The following IGF1R variants were observed in gnomAD, a reference collection of about 807,000 sequenced individuals.
IGF1R encodes the protein insulin-like growth factor 1 receptor.
Under a neutral mutation model 144.6 loss-of-function variants are expected in IGF1R, and 44 were observed. That is an observed-to-expected ratio of 0.30 (90% confidence interval 0.24 to 0.39). The LOEUF is 0.39. Ranked by LOEUF, IGF1R falls within the 10% of genes least tolerant of loss-of-function variation. The pLI, the probability that IGF1R is intolerant of heterozygous loss-of-function variation, is 1.00. For synonymous variants in IGF1R, 795 were observed against 722.8 expected (o/e 1.10, Z -1.60); for missense variants, 1,355 against 1,833.7 (o/e 0.74, Z 4.77).
intron 2 of IGF1R, among the ~76,000 whole-genome samples, chr15:98,804,452 C>CTTTTGT (rs113749018): frequency 0.018 from 2,808 of 151,974 alleles, 89 homozygotes; most frequent in African/African-American, 0.063. Flanking sequence ...AAACACATGA[C>CTTTTGT]TTTTGTTTTT....
At chr15:98,899,300 C>G (rs536737354) in intron 4 of IGF1R, among the ~76,000 whole-genome samples, 177 bp from the exon 5 acceptor site, 2 of 152,192 alleles carry the variant, frequency 1.3e-5, no homozygotes, top group Non-Finnish European at 2.9e-5. Context: ...TTCCAGGAGT[C>G]GTTGTTGAGA....
At chr15:98,789,076 T>G (rs1043962359) in intron 2 of IGF1R, among the ~76,000 whole-genome samples, 4 of 152,250 alleles carry the variant, frequency 2.6e-5, no homozygotes, top group African/African-American at 4.8e-5. Context: ...CTCAGTTTAC[T>G]TGTTCCAGCT....
At chr15:98,884,319 C>T (rs772530375) in intron 2 of IGF1R, among the ~76,000 whole-genome samples, 2 of 152,174 alleles carry the variant, frequency 1.3e-5, no homozygotes, top group East Asian at 1.9e-4. Flanking sequence ...ACAAACTGCA[C>T]GCCAGGCATT....
chr15:98,694,136 AT>A lies in IGF1R; in HGVS notation c.95-13416del, dbSNP rs111851854. ...AATTGGCATACTTTTATTCCTCTGG[AT>A]TTTTTTTTTAAAGCATAATTGTTCG... On this transcript the variant is annotated intron_variant, in intron 1 of 20. Coordinates refer to ENST00000650285, the MANE Select transcript of IGF1R (RefSeq NM_000875.5). Among the ~76,000 whole-genome samples the A allele has an allele frequency of 3.6e-3, 541 of 150,562 alleles. 3 individuals are homozygous for A. The highest frequency in any genetic ancestry group is 0.012 in the African/African-American group (508 of 41,056).
intron 20 of IGF1R, among the ~76,000 whole-genome samples, chr15:98,949,749 C>G (rs1230249176): frequency 6.6e-6 from 1 of 152,210 alleles, no homozygotes; most frequent in African/African-American, 2.4e-5. Context: ...TTTGTGATGC[C>G]TCACAGTGTT....
At chr15:98,753,222 C>T (rs560042713) in intron 2 of IGF1R, among the ~76,000 whole-genome samples, 153 of 137,200 alleles carry the variant, frequency 1.1e-3, no homozygotes, top group African/African-American at 3.5e-3. Flanking sequence ...TGAGCCATTA[C>T]GTCCAGCCTT....
At chr15:98,675,829 T>TCTTTC (rs200344532) in intron 1 of IGF1R, among the ~76,000 whole-genome samples, 3 of 139,302 alleles carry the variant, frequency 2.2e-5, no homozygotes, top group African/African-American at 8.3e-5. Context: ...TTTCTTTCTT[T>TCTTTC]TTTTTTTTTT....
intron 2 of IGF1R, among the ~76,000 whole-genome samples, chr15:98,723,865 A>C (rs569937924): frequency 4.6e-5 from 7 of 152,254 alleles, no homozygotes; most frequent in African/African-American, 1.7e-4. Context: ...TTTGTTTATT[A>C]AGTGGGGCAG....
chr15:98,725,094 G>A (rs1245378015), intron 2 of IGF1R, among the ~76,000 whole-genome samples: 3 of 152,206 alleles, frequency 2.0e-5, no homozygotes, highest in Non-Finnish European at 4.4e-5. Context: ...ACTGTCTCCT[G>A]TTCCCTGGCC....
At chr15:98,828,153 A>G (rs1198871165) in intron 2 of IGF1R, among the ~76,000 whole-genome samples, 1 of 152,192 alleles carries the variant, frequency 6.6e-6, no homozygotes, top group Non-Finnish European at 1.5e-5. Flanking sequence ...CATGAACAAG[A>G]CTGCCCAGTT....
At position 98,962,935 on chromosome 15, in the gene IGF1R, G is replaced by A. The variant is rs190727148; in HGVS notation, c.*5493G>A. 24 of 233,652 alleles carry A rather than the reference G, an allele frequency of 1.0e-4. No homozygotes were observed. The highest frequency in any genetic ancestry group is 4.0e-4 in the African/African-American group (18 of 45,426). 14.5% of individuals were successfully genotyped at this position (233,652 alleles called of 1,614,324 possible). A position where few individuals can be genotyped will look rare whatever the true frequency, so the allele number is the denominator to read the frequency against. On this transcript the variant is annotated 3_prime_UTR_variant, in exon 21 of 21. Transcript: ENST00000650285. ...CGTTTTGTTTCTGCGAGAACATAACGATCACTCATTTTTATGTCCCACGTG... is the reference window on the plus strand; with the variant it reads ...CGTTTTGTTTCTGCGAGAACATAACAATCACTCATTTTTATGTCCCACGTG...
Position 98,909,021 on chromosome 15 carries a change from A to G in IGF1R, c.1462+122A>G, listed in dbSNP as rs547028185. On this transcript the variant is annotated intron_variant, in intron 6 of 20. Transcript: ENST00000650285. The stretch of plus-strand genomic sequence containing the variant: ...CTGGTTTCACATGGGGGACCACTAG[A>G]CCATCTTAACTAGCACTTTGCTCCT... The G allele has an allele frequency of 5.0e-5, 41 of 815,320 alleles. No homozygotes were observed. The African/African-American group carries it at 5.9e-4, about 12-fold the overall frequency. 50.5% of individuals were successfully genotyped at this position (815,320 alleles called of 1,614,324 possible).
At position 98,707,321 on chromosome 15, in the gene IGF1R, C is replaced by T. The variant is rs1373924917; in HGVS notation, c.95-241C>T. Among the ~76,000 whole-genome samples the T allele has an allele frequency of 6.6e-6, 1 of 152,148 alleles. No individual in the cohort carries two copies. Among genetic ancestry groups the T allele is most frequent in the African/African-American group, 2.4e-5 (1 of 41,430 alleles). ...CACGGTTAACGGGGATGGCCTCTCCCATGGTCGGTTGGAGTGTGTTGCACA... is the reference window on the plus strand; with the variant it reads ...CACGGTTAACGGGGATGGCCTCTCCTATGGTCGGTTGGAGTGTGTTGCACA... On this transcript the variant is annotated intron_variant, in intron 1 of 20. Coordinates refer to ENST00000650285, the MANE Select transcript of IGF1R (RefSeq NM_000875.5). This position sits in a 1 kb window ranked among gnomAD's most constrained non-coding sequence, Gnocchi z 6.7.
chr15:98,788,054 C>CTGTGTGTGTGTGTGTG (rs771505030), intron 2 of IGF1R, among the ~76,000 whole-genome samples: 6 of 142,286 alleles, frequency 4.2e-5, no homozygotes, highest in African/African-American at 1.7e-4. Context: ...CTCTCTCTCT[C>CTGTGTGTGTGTGTGTG]TCTCTCTCTG....
At chr15:98,906,536 C>T (rs1467954530) in intron 5 of IGF1R, among the ~76,000 whole-genome samples, 1 of 152,234 alleles carries the variant, frequency 6.6e-6, no homozygotes, top group African/African-American at 2.4e-5. Context: ...CCCCTCTGAC[C>T]TCCAGCAGTG....
chr15:98,916,214 G>GT, intron 9 of IGF1R, 83 bp downstream of exon 9: 2 of 1,271,472 alleles, frequency 1.6e-6, no homozygotes, highest in Non-Finnish European at 2.3e-6. Flanking sequence ...AATATTACAC[G>GT]TATCAGACAA....
chr15:98,876,188 C>T (rs2141617406), intron 2 of IGF1R, among the ~76,000 whole-genome samples: 1 of 152,174 alleles, frequency 6.6e-6, no homozygotes. Context: ...GCTGGAAGGC[C>T]ATCTCCATTG....
At chr15:98,779,209 G>C (rs1367681493) in intron 2 of IGF1R, among the ~76,000 whole-genome samples, 1 of 152,204 alleles carries the variant, frequency 6.6e-6, no homozygotes, top group African/African-American at 2.4e-5. Flanking sequence ...AAATTCCCAA[G>C]AGAATAAGTT....
chr15:98,700,292 C>G (rs45557435), intron 1 of IGF1R, among the ~76,000 whole-genome samples: 1 of 151,970 alleles, frequency 6.6e-6, no homozygotes, highest in Non-Finnish European at 1.5e-5. Flanking sequence ...TGCTTTGTTT[C>G]GTAGTTTCTT....
Sources: allele counts gnomAD v4.1 joint callset (sites outside exome capture counted in the v4.1 genomes callset), GRCh38; gene constraint gnomAD v4.1.1; non-coding constraint Gnocchi (gnomAD v3.1); transcripts MANE v1.5; gene names NCBI Gene and HGNC (gene_info 2026-07-23, HGNC 2026-07-21).